Variants in LRRTM4 observed in about 807,000 individuals in gnomAD.
The protein encoded by LRRTM4 is leucine-rich repeat transmembrane neuronal protein 4.
LRRTM4 carries 25 observed loss-of-function variants against 47.6 expected under a neutral mutation model. The observed-to-expected ratio is 0.53, with a 90% CI of 0.38 to 0.73. The LOEUF (loss-of-function observed/expected upper bound fraction) is 0.73, where lower values mean the gene tolerates loss of function less well. Ranked by LOEUF, LRRTM4 falls within the 30% of genes least tolerant of loss-of-function variation. LRRTM4 has a pLI of 0.00. For synonymous variants in LRRTM4, 311 were observed against 269.5 expected, an observed-to-expected ratio of 1.15 and a Z score of -1.51; for missense variants, 638 against 713.4, an observed-to-expected ratio of 0.89 and a Z score of 1.20.
At chr2:76,802,330 C>T (rs1675742625) in intron 3 of LRRTM4, among the ~76,000 whole-genome samples, 1 of 150,500 alleles carries the variant, frequency 6.6e-6, no homozygotes, top group Non-Finnish European at 1.5e-5. Context: ...TATATACTAA[C>T]AACAAACTAC....
At chr2:77,019,978 C>A (rs1225591791) in intron 3 of LRRTM4, among the ~76,000 whole-genome samples, 1 of 151,874 alleles carries the variant, frequency 6.6e-6, no homozygotes, top group Non-Finnish European at 1.5e-5. Context: ...AAATGGTGAC[C>A]TGTGTTTTTT....
In LRRTM4 at chr2:77,000,228, T is replaced by A. The variant is rs116288223; in HGVS notation, c.1552-251312A>T. ...GTGGGGACAGCTGGACACAGGAGAATGTTTTGCCCTCATTAGTGAGCAATT... is the reference window on the plus strand; with the variant it reads ...GTGGGGACAGCTGGACACAGGAGAAAGTTTTGCCCTCATTAGTGAGCAATT... On this transcript the variant is annotated intron_variant, in intron 3 of 3. Coordinates refer to ENST00000409884, the MANE Select transcript of LRRTM4 (RefSeq NM_001134745.3). Among the ~76,000 whole-genome samples, 835 of 152,052 alleles carry A rather than the reference T, an allele frequency of 5.5e-3. 7 individuals carry two copies. The highest frequency in any genetic ancestry group is 0.019 in the African/African-American group (790 of 41,496).
intron 3 of LRRTM4, among the ~76,000 whole-genome samples, chr2:77,462,222 T>A (rs147273776): frequency 1.3e-5 from 2 of 152,104 alleles, no homozygotes; most frequent in African/African-American, 4.8e-5. Flanking sequence ...TGATGTGAGC[T>A]CTGAAGTATT....
chr2:76,833,454 C>T (rs116421376), intron 3 of LRRTM4, among the ~76,000 whole-genome samples: 12 of 152,110 alleles, frequency 7.9e-5, no homozygotes, highest in African/African-American at 2.6e-4. Flanking sequence ...ATACATAAGC[C>T]GTCCTAATAT....
chr2:77,266,596 G>A (rs899100475), intron 3 of LRRTM4, among the ~76,000 whole-genome samples: 4 of 152,110 alleles, frequency 2.6e-5, no homozygotes, highest in Non-Finnish European at 4.4e-5. Context: ...GGTCTACAGA[G>A]GGGATTCTGA....
intron 3 of LRRTM4, among the ~76,000 whole-genome samples, chr2:76,802,565 C>T (rs1479429261): frequency 6.6e-6 from 1 of 152,022 alleles, no homozygotes; most frequent in Non-Finnish European, 1.5e-5. Flanking sequence ...AATGTAATCC[C>T]TATCAACATT....
chr2:77,276,122 G>C (rs1016869533), intron 3 of LRRTM4, among the ~76,000 whole-genome samples: 2 of 151,658 alleles, frequency 1.3e-5, no homozygotes, highest in Non-Finnish European at 2.9e-5. Flanking sequence ...TTGCTCACAG[G>C]GTTAAGTTTA....
chr2:77,438,346 A>C (rs1330986727), intron 3 of LRRTM4, among the ~76,000 whole-genome samples: 2 of 151,588 alleles, frequency 1.3e-5, no homozygotes, highest in African/African-American at 2.4e-5. Flanking sequence ...AGTGTGTCTC[A>C]AATAGGTTGG....
intron 3 of LRRTM4, among the ~76,000 whole-genome samples, chr2:77,462,039 T>C (rs1676809306): frequency 1.3e-5 from 2 of 152,144 alleles, no homozygotes; most frequent in South Asian, 2.1e-4. Context: ...AGTCTTTTTT[T>C]ATCCTAGTAA....
intron 3 of LRRTM4, among the ~76,000 whole-genome samples, chr2:77,346,838 T>G (rs2104287742): frequency 6.6e-6 from 1 of 152,218 alleles, no homozygotes; most frequent in Non-Finnish European, 1.5e-5. Context: ...AAAAAAAAGT[T>G]ACAGAATAAA....
At chr2:77,045,178 A>T (rs1401626644) in intron 3 of LRRTM4, among the ~76,000 whole-genome samples, 1 of 151,976 alleles carries the variant, frequency 6.6e-6, no homozygotes, top group Non-Finnish European at 1.5e-5. Flanking sequence ...TGAACACAGA[A>T]ATATGTGAAT....
intron 3 of LRRTM4, among the ~76,000 whole-genome samples, chr2:77,489,492 T>C (rs1365039806): frequency 6.6e-6 from 1 of 152,228 alleles, no homozygotes; most frequent in Non-Finnish European, 1.5e-5. Flanking sequence ...TAAATTACTT[T>C]CCTTTTTTGA....
At chr2:77,293,550 A>G (rs1018012070) in intron 3 of LRRTM4, among the ~76,000 whole-genome samples, 14 of 152,176 alleles carry the variant, frequency 9.2e-5, no homozygotes, top group African/African-American at 3.4e-4. Context: ...CAAATAAGCT[A>G]AAGTCTAAGC....
At chr2:77,045,578 T>A (rs1679206484) in intron 3 of LRRTM4, among the ~76,000 whole-genome samples, 1 of 151,930 alleles carries the variant, frequency 6.6e-6, no homozygotes, top group African/African-American at 2.4e-5. Context: ...AGGTGTTTCC[T>A]GTGCTACTCT....
At position 77,369,469 on chromosome 2, in the gene LRRTM4, T is replaced by C. The variant is rs141160439; in HGVS notation, c.1551+148849A>G. 2.5e-3 allele frequency among the ~76,000 whole-genome samples: 374 copies of C among 151,782 alleles called. 2 individuals carry two copies. Among genetic ancestry groups the C allele is most frequent in the African/African-American group, 8.7e-3 (359 of 41,464 alleles). ...GATAAATAAGGCAAAAAATATAATC[T>C]ACAACATGAAGACGAAAGTGGACAA... On this transcript the variant is annotated intron_variant, in intron 3 of 3. Coordinates refer to ENST00000409884, the MANE Select transcript of LRRTM4 (RefSeq NM_001134745.3).
intron 3 of LRRTM4, among the ~76,000 whole-genome samples, chr2:76,897,367 A>G (rs1673457368): frequency 6.6e-6 from 1 of 152,140 alleles, no homozygotes; most frequent in South Asian, 2.1e-4. Flanking sequence ...GCTTGTGTGT[A>G]AGGGACAGCT....
At position 77,117,910 on chromosome 2, in the gene LRRTM4, C is replaced by T. The variant is rs570065275; in HGVS notation, c.1552-368994G>A. ...TCCTGCTGTTTGAGGAGATGGAATT[C>T]CTGTATTATAGAATAACTTGGTCTC... On this transcript the variant is annotated intron_variant, in intron 3 of 3. Coordinates refer to ENST00000409884, the MANE Select transcript of LRRTM4 (RefSeq NM_001134745.3). 3.9e-5 allele frequency among the ~76,000 whole-genome samples: 6 copies of T among 151,900 alleles called. No homozygotes were observed. The South Asian group carries it at 1.2e-3, about 32-fold the overall frequency.
chr2:76,858,081 A>G (rs190521526), intron 3 of LRRTM4, among the ~76,000 whole-genome samples: 243 of 152,274 alleles, frequency 1.6e-3, no homozygotes, highest in African/African-American at 5.6e-3. Flanking sequence ...TGGGCAATAG[A>G]TATCTATAAT....
intron 3 of LRRTM4, among the ~76,000 whole-genome samples, chr2:77,153,432 T>G (rs1231409231): frequency 6.6e-6 from 1 of 152,140 alleles, no homozygotes; most frequent in Non-Finnish European, 1.5e-5. Context: ...TAAGAAATAC[T>G]AACACATGCA....
Sources: gnomAD v4.1 joint callset for allele counts (sites outside exome capture counted in the v4.1 genomes callset) on GRCh38, gnomAD v4.1.1 for gene constraint, MANE v1.5 for transcripts, NCBI Gene and HGNC (gene_info 2026-07-23, HGNC 2026-07-21) for gene names.